ATF7: variants seen among roughly 807,000 people sequenced by gnomAD.
ATF7 encodes the protein cyclic AMP-dependent transcription factor ATF-7.
A neutral mutation model predicts 50.4 loss-of-function variants in ATF7; 10 were observed. The observed-to-expected ratio is 0.20, with a 90% CI of 0.12 to 0.34. ATF7 has a LOEUF of 0.34. ATF7 is among the 10% of genes least tolerant of loss of function. ATF7 has a pLI of 1.00. For missense variants in ATF7, 465 were observed against 613.9 expected, an observed-to-expected ratio of 0.76 and a Z score of 2.56; for synonymous variants, 201 against 226.4, an observed-to-expected ratio of 0.89 and a Z score of 1.01.
chr12:53,547,789 ATG>A (rs1940044839), intron 3 of ATF7, among the ~76,000 whole-genome samples: 3 of 140,096 alleles, frequency 2.1e-5, no homozygotes, highest in Non-Finnish European at 3.1e-5. Context: ...GTATGTATGT[ATG>A]TATGATGTAT....
chr12:53,523,289 A>C lies in ATF7; in HGVS notation c.1221T>G (p.Thr407=), dbSNP rs1938236425. ...DCPVTALQKK[T]QGYLESPKES... ...TGTGCCACTCACCTAAATAGCCTTG[A>C]GTCTTTTTCTGTAGTGCAGTGACTG... is the stretch of plus-strand genomic sequence containing the variant. Residue 407 remains threonine (T), a synonymous_variant, in exon 11 of 12, where the codon ACT becomes ACG. Transcript: ENST00000420353. The C allele has an allele frequency of 6.2e-7, 1 of 1,612,402 alleles. No individual in the cohort carries two copies.
chr12:53,534,355 G>A, intron 6 of ATF7, 147 bp downstream of exon 6: 1 of 1,222,840 alleles, frequency 8.2e-7, no homozygotes, highest in East Asian at 2.3e-5. Context: ...AGAAGATTCT[G>A]TTTATGGGGG....
chr12:53,546,246 G>C (rs185577211), intron 3 of ATF7, among the ~76,000 whole-genome samples: 1 of 151,646 alleles, frequency 6.6e-6, no homozygotes, highest in Non-Finnish European at 1.5e-5. Flanking sequence ...AAAATTAACC[G>C]GTGTGGTGGT....
intron 2 of ATF7, among the ~76,000 whole-genome samples, chr12:53,588,192 T>G (rs900771173): frequency 2.0e-5 from 3 of 152,172 alleles, no homozygotes; most frequent in Non-Finnish European, 4.4e-5. Context: ...CATGTAAATA[T>G]TTCCATGAAT....
chr12:53,590,853 C>A (rs1942908065), intron 2 of ATF7, among the ~76,000 whole-genome samples: 1 of 152,024 alleles, frequency 6.6e-6, no homozygotes, highest in Non-Finnish European at 1.5e-5. Flanking sequence ...AGAGACAGTA[C>A]AAAGATCAGT....
At position 53,513,830 on chromosome 12, in the gene ATF7, G is replaced by A. The variant is rs1283693163; in HGVS notation, c.*3307C>T. The A allele has an allele frequency of 6.6e-6, 1 of 152,148 alleles. No homozygotes were observed. The highest frequency in any genetic ancestry group is 2.4e-5 in the African/African-American group (1 of 41,412). The allele number at this position is 152,148 out of a possible 1,614,324, so 9.4% of individuals were successfully genotyped here. ...AGGCTGTACATAGGGCACGGTTGGGGTTAAGCACTCCATCTACCAGGATGG... is the reference window on the plus strand; with the variant it reads ...AGGCTGTACATAGGGCACGGTTGGGATTAAGCACTCCATCTACCAGGATGG... On this transcript the variant is annotated 3_prime_UTR_variant, in exon 12 of 12. Coordinates refer to ENST00000420353, the MANE Select transcript of ATF7 (RefSeq NM_006856.3).
At chr12:53,562,725 A>G (rs1941210497) in intron 2 of ATF7, among the ~76,000 whole-genome samples, 2 of 152,134 alleles carry the variant, frequency 1.3e-5, no homozygotes, top group African/African-American at 4.8e-5. Flanking sequence ...TATCTATCTT[A>G]AACACCAGCT....
intron 9 of ATF7, among the ~76,000 whole-genome samples, chr12:53,527,975 G>A (rs1039846319): frequency 2.6e-5 from 4 of 151,734 alleles, no homozygotes; most frequent in African/African-American, 9.7e-5. Flanking sequence ...CTGAGTAGCT[G>A]GGACTACAGG....
At chr12:53,541,111 G>C (rs1427459050) in intron 4 of ATF7, among the ~76,000 whole-genome samples, 1 of 152,174 alleles carries the variant, frequency 6.6e-6, no homozygotes, top group Non-Finnish European at 1.5e-5. Flanking sequence ...TAACTCCAGT[G>C]ATAAAGACAC....
At chr12:53,534,258 C>T (rs1398201356) in intron 6 of ATF7, among the ~76,000 whole-genome samples, 1 of 152,030 alleles carries the variant, frequency 6.6e-6, no homozygotes, top group Non-Finnish European at 1.5e-5. Context: ...GCCTGGGCGA[C>T]AGAGCGAGCC....
In ATF7 at chr12:53,615,450, G is replaced by A. The variant is rs185105049; in HGVS notation, c.-22+10829C>T. Among the ~76,000 whole-genome samples the A allele has an allele frequency of 8.4e-4, 128 of 152,184 alleles. 1 individual carries two copies. Among genetic ancestry groups the A allele is most frequent in the East Asian group, 5.8e-4 (3 of 5,168 alleles). On this transcript the variant is annotated intron_variant, in intron 1 of 11. Coordinates refer to ENST00000420353, the MANE Select transcript of ATF7 (RefSeq NM_006856.3). ...GGAGTCATGTTGGTACCAGAAATATGATGTTAAATAAAACCAACAAGGTGT... is the reference window on the plus strand; with the variant it reads ...GGAGTCATGTTGGTACCAGAAATATAATGTTAAATAAAACCAACAAGGTGT...
chr12:53,536,830 G>A (rs367913030), intron 5 of ATF7, among the ~76,000 whole-genome samples: 5 of 152,046 alleles, frequency 3.3e-5, no homozygotes, highest in African/African-American at 9.7e-5. Flanking sequence ...AGAGGTTGCA[G>A]TGAGCCAAGA....
rs182272345 is a variant in ATF7 at position 53,546,823 on chromosome 12, T to C, written c.146-3375A>G. Among the ~76,000 whole-genome samples the C allele has an allele frequency of 1.7e-3, 255 of 151,876 alleles. 1 individual carries two copies. Among genetic ancestry groups the C allele is most frequent in the African/African-American group, 5.8e-3 (240 of 41,412 alleles). On this transcript the variant is annotated intron_variant, in intron 3 of 11. Transcript: ENST00000420353. Reference sequence around the variant, plus strand: ...CCCAGGCGGGAGAGCAGTGACACGATCTCGGCTCACTGCAGCCTCTGCCTC... The same window carrying C: ...CCCAGGCGGGAGAGCAGTGACACGACCTCGGCTCACTGCAGCCTCTGCCTC...
At chr12:53,519,053 CAAAAA>C (rs773430662) in intron 11 of ATF7, among the ~76,000 whole-genome samples, 1 of 73,410 alleles carries the variant, frequency 1.4e-5, no homozygotes. Context: ...GACTCCGTCT[CAAAAA>C]AAAAAAAAAA....
intron 2 of ATF7, chr12:53,575,492 C>T (rs924650901): frequency 5.3e-5 from 8 of 150,206 alleles, no homozygotes; most frequent in African/African-American, 2.0e-4. Context: ...AGAAGAATCA[C>T]TTGAACCTGT....
chr12:53,600,342 T>C (rs1943340809), intron 2 of ATF7, among the ~76,000 whole-genome samples: 1 of 152,170 alleles, frequency 6.6e-6, no homozygotes, highest in South Asian at 2.1e-4. Context: ...ATTTCTTTCT[T>C]TCTTTTTTTT....
rs546088579 is a variant in ATF7, at chr12:53,587,975, T to C, written c.48+12978A>G. ...AATTCTCCTGCCTAAGCCTCCTCCT[T>C]AGTAGCTGGAATTATAGGCACCTGC... On this transcript the variant is annotated intron_variant, in intron 2 of 11. Transcript: ENST00000420353. Among the ~76,000 whole-genome samples, 192 of 151,420 alleles carry C rather than the reference T, an allele frequency of 1.3e-3. 1 individual carries two copies. Among genetic ancestry groups the C allele is most frequent in the Non-Finnish European group, 2.0e-3 (134 of 67,798 alleles).
chr12:53,622,663 A>G (rs78477800), intron 1 of ATF7, among the ~76,000 whole-genome samples: 19,243 of 151,104 alleles, frequency 0.13, 1,305 homozygotes, highest in Admixed American at 0.2. Context: ...AAAAAAAAAA[A>G]AAAAAATAGC....
chr12:53,572,122 G>A (rs978983449), intron 2 of ATF7, among the ~76,000 whole-genome samples: 1 of 151,850 alleles, frequency 6.6e-6, no homozygotes. Flanking sequence ...TTTCTTACTC[G>A]ATTCATAAAC....
Sources: gnomAD v4.1 joint callset for allele counts (sites outside exome capture counted in the v4.1 genomes callset) on GRCh38, gnomAD v4.1.1 for gene constraint, MANE v1.5 for transcripts, NCBI Gene and HGNC (gene_info 2026-07-23, HGNC 2026-07-21) for gene names.